The following ATP8A2 variants were observed in gnomAD, a reference collection of about 807,000 sequenced individuals.
ATP8A2 encodes ATPase phospholipid transporting 8A2.
A neutral mutation model predicts 165.6 loss-of-function variants in ATP8A2; 100 were observed. The ratio of observed to expected loss-of-function variants is 0.60; its 90% CI spans 0.51 to 0.71. The LOEUF (loss-of-function observed/expected upper bound fraction) is 0.71. Ranked by LOEUF, ATP8A2 falls within the 30% of genes least tolerant of loss-of-function variation. ATP8A2 has a pLI of 0.00. For synonymous variants in ATP8A2, 543 were observed against 548.8 expected, an observed-to-expected ratio of 0.99 and a Z score of 0.15; for missense variants, 1,227 against 1,479.5, an observed-to-expected ratio of 0.83 and a Z score of 2.80.
chr13:25,708,168 C>T (rs573263818), intron 25 of ATP8A2, among the ~76,000 whole-genome samples: 1 of 152,214 alleles, frequency 6.6e-6, no homozygotes, highest in African/African-American at 2.4e-5. Flanking sequence ...GAAGTAGAAG[C>T]TCATAATATT....
chr13:25,410,725 G>A (rs1380017853), intron 1 of ATP8A2, among the ~76,000 whole-genome samples: 1 of 152,236 alleles, frequency 6.6e-6, no homozygotes. Flanking sequence ...TGTATGTTCA[G>A]TGTCTAATGT....
intron 25 of ATP8A2, among the ~76,000 whole-genome samples, chr13:25,720,946 C>G (rs1049488976): frequency 1.3e-5 from 2 of 149,488 alleles, no homozygotes; most frequent in Non-Finnish European, 3.0e-5. Flanking sequence ...CTGGTCTGAG[C>G]TGTGGGAGCT....
intron 33 of ATP8A2, among the ~76,000 whole-genome samples, chr13:25,867,724 G>A (rs1296371681): frequency 1.3e-5 from 2 of 152,270 alleles, no homozygotes; most frequent in East Asian, 1.9e-4. Context: ...CTTGCTGGGG[G>A]CTTCCAGGAT....
intron 33 of ATP8A2, among the ~76,000 whole-genome samples, chr13:25,946,479 A>T (rs866350831): frequency 2.0e-5 from 3 of 152,268 alleles, no homozygotes; most frequent in African/African-American, 7.2e-5. Flanking sequence ...CCATCCCAAC[A>T]TCTTCAGCTC....
chr13:25,723,477 G>A (rs1566078830), intron 25 of ATP8A2, among the ~76,000 whole-genome samples: 2 of 144,194 alleles, frequency 1.4e-5, no homozygotes, highest in East Asian at 3.9e-4. Flanking sequence ...TGGCTACAGT[G>A]AGTTTCTTGT....
intron 33 of ATP8A2, among the ~76,000 whole-genome samples, chr13:25,899,421 C>T (rs911169718): frequency 1.3e-5 from 2 of 152,128 alleles, no homozygotes; most frequent in Non-Finnish European, 2.9e-5. Flanking sequence ...TAGAGTTTTG[C>T]CAGATAATGC....
intron 27 of ATP8A2, among the ~76,000 whole-genome samples, chr13:25,813,373 G>A (rs953347597): frequency 3.0e-5 from 4 of 132,210 alleles, no homozygotes; most frequent in African/African-American, 1.2e-4. Flanking sequence ...AAGCCAGCCA[G>A]GATGATGATA....
intron 18 of ATP8A2, 160 bp downstream of exon 18, chr13:25,571,852 C>T (rs1479676582): frequency 2.7e-6 from 2 of 730,762 alleles, no homozygotes; most frequent in Non-Finnish European, 2.5e-6. Flanking sequence ...TTAGCTTGTT[C>T]GAGTTGTTTT....
chr13:25,780,414 A>G (rs756541928), intron 27 of ATP8A2, among the ~76,000 whole-genome samples: 20 of 152,190 alleles, frequency 1.3e-4, no homozygotes, highest in Non-Finnish European at 2.8e-4. Flanking sequence ...GATAGGGGAT[A>G]AAGGCCAGGA....
At position 25,985,040 on chromosome 13, in the gene ATP8A2, C is replaced by T. The variant is rs926292726; in HGVS notation, c.3377+16361C>T. Among the ~76,000 whole-genome samples, 5 of 152,350 alleles carry T rather than the reference C, an allele frequency of 3.3e-5. No homozygotes were observed. In the South Asian group the frequency reaches 6.2e-4, roughly 19 times the overall value. On this transcript the variant is annotated intron_variant, in intron 35 of 36. Transcript: ENST00000381655. Reference sequence around the variant, plus strand: ...GCTGTAGTTTAACAACCGCCTTACACGTAAGAACGAAGGAACCAAATGTGC... The same window carrying T: ...GCTGTAGTTTAACAACCGCCTTACATGTAAGAACGAAGGAACCAAATGTGC...
intron 33 of ATP8A2, among the ~76,000 whole-genome samples, chr13:25,864,192 G>A (rs1216491377): frequency 6.6e-6 from 1 of 152,156 alleles, no homozygotes; most frequent in Non-Finnish European, 1.5e-5. Flanking sequence ...GACAATAGAT[G>A]GGGCCTCAGC....
In ATP8A2 at chr13:25,861,192, A is replaced by C. The variant is rs1483018353; in HGVS notation, c.3075+332A>C. On this transcript the variant is annotated intron_variant, in intron 32 of 36. Coordinates refer to ENST00000381655, the MANE Select transcript of ATP8A2 (RefSeq NM_016529.6). ...AACATTTAATGTCCATAATTTTACC[A>C]CCAAGAGACAGTCACTGTTAATGCT... Among the ~76,000 whole-genome samples, 10 of 152,328 alleles carry C rather than the reference A, an allele frequency of 6.6e-5. 3 individuals carry two copies. The highest frequency in any genetic ancestry group is 6.5e-4 in the Admixed American group (10 of 15,302).
chr13:25,382,399 G>T (rs575796895), intron 1 of ATP8A2, among the ~76,000 whole-genome samples: 5 of 152,244 alleles, frequency 3.3e-5, no homozygotes, highest in African/African-American at 1.2e-4. Flanking sequence ...AAATACTTCT[G>T]TGCAGGTTTT....
chr13:25,470,181 G>C (rs2035804374), intron 2 of ATP8A2, among the ~76,000 whole-genome samples: 1 of 152,164 alleles, frequency 6.6e-6, no homozygotes, highest in Admixed American at 6.5e-5. Context: ...GACATTATTG[G>C]GGTAGAATAA....
Position 25,589,854 on chromosome 13 carries a change from G to C in ATP8A2, c.2211+155G>C, listed in dbSNP as rs572378020. Among the ~76,000 whole-genome samples the C allele has an allele frequency of 2.0e-5, 3 of 152,278 alleles. No homozygotes were observed. The East Asian group carries it at 5.8e-4, about 29-fold the overall frequency. The stretch of plus-strand genomic sequence containing the variant: ...TTTATATTTATATTTAAGAATGGAT[G>C]TCAGAAAGCCTTATCTTTAAACATC... On this transcript the variant is annotated intron_variant, in intron 24 of 36. Coordinates refer to ENST00000381655, the MANE Select transcript of ATP8A2 (RefSeq NM_016529.6).
At chr13:25,780,126 A>G (rs1398304934) in intron 27 of ATP8A2, among the ~76,000 whole-genome samples, 1 of 152,234 alleles carries the variant, frequency 6.6e-6, no homozygotes, top group Non-Finnish European at 1.5e-5. Context: ...TAGAAAAATA[A>G]TAGGGACATT....
intron 1 of ATP8A2, among the ~76,000 whole-genome samples, chr13:25,424,866 G>A (rs1321520876): frequency 6.6e-6 from 1 of 152,180 alleles, no homozygotes; most frequent in African/African-American, 2.4e-5. Flanking sequence ...GCTGAGGCAG[G>A]AGAACTGCTT....
At chr13:25,425,182 T>C (rs1252535003) in intron 1 of ATP8A2, among the ~76,000 whole-genome samples, 1 of 152,178 alleles carries the variant, frequency 6.6e-6, no homozygotes, top group Non-Finnish European at 1.5e-5. Flanking sequence ...TCTCAGTACA[T>C]AGGCTACCCT....
intron 24 of ATP8A2, among the ~76,000 whole-genome samples, chr13:25,665,440 A>G (rs7322159): frequency 6.6e-6 from 1 of 152,014 alleles, no homozygotes; most frequent in Non-Finnish European, 1.5e-5. Flanking sequence ...AATAAATATT[A>G]AAAAAGAACA....
Sources: gnomAD v4.1 joint callset for allele counts (sites outside exome capture counted in the v4.1 genomes callset) on GRCh38, gnomAD v4.1.1 for gene constraint, MANE v1.5 for transcripts, NCBI Gene and HGNC (gene_info 2026-07-23, HGNC 2026-07-21) for gene names.